The following PSMF1 variants were observed in gnomAD, a reference collection of about 807,000 sequenced individuals.
PSMF1 encodes proteasome inhibitor PI31 subunit.
In PSMF1, 30 loss-of-function variants were observed where a neutral mutation model predicts 29.3. The ratio of observed to expected loss-of-function variants is 1.02; its 90% CI spans 0.77 to 1.39. The LOEUF (loss-of-function observed/expected upper bound fraction) is 1.39. Ranked by LOEUF, PSMF1 falls within the 40% of genes most tolerant of loss-of-function variation. The pLI is 0.00. For synonymous variants in PSMF1, 134 were observed against 139.7 expected (o/e 0.96, Z 0.29); for missense variants, 344 against 357.5 (o/e 0.96, Z 0.31).
intron 4 of PSMF1, among the ~76,000 whole-genome samples, chr20:1,139,130 G>A (rs1234408336): frequency 6.6e-6 from 1 of 151,668 alleles, no homozygotes; most frequent in Non-Finnish European, 1.5e-5. Flanking sequence ...CCGAGATCAC[G>A]CCACTGCACT....
At chr20:1,158,434 G>A (rs1442862112) in intron 4 of PSMF1, among the ~76,000 whole-genome samples, 11 of 152,244 alleles carry the variant, frequency 7.2e-5, no homozygotes, top group East Asian at 3.9e-4. Flanking sequence ...GCAGACCCCT[G>A]CCAACCAGCT....
At chr20:1,132,969 G>GTTTTTTTTTTTTTTT (rs60189289) in intron 3 of PSMF1, among the ~76,000 whole-genome samples, 1 of 134,112 alleles carries the variant, frequency 7.5e-6, no homozygotes, top group African/African-American at 2.8e-5. Context: ...GGGTTTTTTT[G>GTTTTTTTTTTTTTTT]TTTTTTTTTT....
Position 1,118,762 on chromosome 20 carries a change from T to C in PSMF1, c.-12T>C, listed in dbSNP as rs1266213599. On this transcript the variant is annotated 5_prime_UTR_variant, in exon 1 of 7. Coordinates refer to ENST00000335877, the MANE Select transcript of PSMF1 (RefSeq NM_006814.5). ...CCCTTCTTTCCTCCAGACGCCGAAG[T>C]CGCGGGCGCTCATGGCGGGCCTGGA... 6.2e-7 allele frequency: 1 copy of C among 1,608,812 alleles called. No individual in the cohort carries two copies. Among genetic ancestry groups the C allele is most frequent in the East Asian group, 2.2e-5 (1 of 44,818 alleles).
chr20:1,123,945 A>T (rs1289906869), intron 1 of PSMF1, among the ~76,000 whole-genome samples: 1 of 152,260 alleles, frequency 6.6e-6, no homozygotes, highest in Non-Finnish European at 1.5e-5. Flanking sequence ...GTAAAATTGA[A>T]TAACTCTTTA....
intron 4 of PSMF1, among the ~76,000 whole-genome samples, chr20:1,149,058 A>G (rs139753698): frequency 6.6e-6 from 1 of 152,336 alleles, no homozygotes; most frequent in African/African-American, 2.4e-5. Flanking sequence ...ACATTTTGCA[A>G]ATCTCTTTAA....
upstream of PSMF1, among the ~76,000 whole-genome samples, chr20:1,114,120 T>C (rs2085993938): frequency 6.6e-6 from 1 of 152,310 alleles, no homozygotes. Flanking sequence ...TTTCTCTAAA[T>C]TATGCAACTC....
chr20:1,128,798 C>A (rs929099888), intron 3 of PSMF1, among the ~76,000 whole-genome samples: 2 of 151,962 alleles, frequency 1.3e-5, no homozygotes, highest in African/African-American at 4.8e-5. Flanking sequence ...TGTGACTGTT[C>A]AAGCAATTCT....
At chr20:1,136,616 G>T (rs1443399103) in intron 4 of PSMF1, among the ~76,000 whole-genome samples, 3 of 152,172 alleles carry the variant, frequency 2.0e-5, no homozygotes, top group Admixed American at 2.0e-4. Context: ...TAGAAAAAGA[G>T]AGTAATTGAT....
upstream of PSMF1, among the ~76,000 whole-genome samples, chr20:1,116,677 C>A (rs992282202): frequency 6.6e-6 from 1 of 152,148 alleles, no homozygotes; most frequent in African/African-American, 2.4e-5. Context: ...GGTAGACATG[C>A]TCCCTGTTCC....
chr20:1,125,733 A>G (rs1248583517), intron 2 of PSMF1, 83 bp downstream of exon 2: 39 of 1,508,968 alleles, frequency 2.6e-5, no homozygotes, highest in Non-Finnish European at 3.3e-5. Flanking sequence ...GTACGAATCC[A>G]GAGCTTCAAT....
rs372458085 is a variant in PSMF1 at position 1,163,915 on chromosome 20, A to G, written c.606-403A>G. 6.6e-6 allele frequency among the ~76,000 whole-genome samples: 1 copy of G among 152,248 alleles called. No homozygotes were observed. The highest frequency in any genetic ancestry group is 6.5e-5 in the Admixed American group (1 of 15,288). On this transcript the variant is annotated intron_variant, in intron 5 of 6. Coordinates refer to ENST00000335877, the MANE Select transcript of PSMF1 (RefSeq NM_006814.5). The surrounding 1 kb of genome is among the most constrained non-coding windows in gnomAD (Gnocchi z 6.1). Reference sequence around the variant, plus strand: ...CAACATCACGAATTACCTCAATGCTATAATTAGTCCTTAAACCTAAAGTAG... The same window carrying G: ...CAACATCACGAATTACCTCAATGCTGTAATTAGTCCTTAAACCTAAAGTAG...
intron 3 of PSMF1, among the ~76,000 whole-genome samples, chr20:1,132,224 T>C (rs971484723): frequency 3.9e-5 from 6 of 152,118 alleles, no homozygotes; most frequent in Non-Finnish European, 5.9e-5. Context: ...TAGTTGTAGC[T>C]ATTCTAGGTT....
Position 1,165,875 on chromosome 20 carries a change from A to C in PSMF1, c.*795A>C. On this transcript the variant is annotated 3_prime_UTR_variant, in exon 7 of 7. Coordinates refer to ENST00000335877, the MANE Select transcript of PSMF1 (RefSeq NM_006814.5). ...CCTGAAGGCTAATCTTATTTTTGCC[A>C]CTAACTTAGTGAATGACCCTAAGCA... The C allele has an allele frequency of 1.7e-6, 2 of 1,177,152 alleles. No individual in the cohort carries two copies. Among genetic ancestry groups the C allele is most frequent in the Non-Finnish European group, 2.1e-6 (2 of 944,756 alleles). 72.9% of individuals were successfully genotyped at this position (1,177,152 alleles called of 1,614,324 possible). A position where few individuals can be genotyped will look rare whatever the true frequency, so the allele number is the denominator to read the frequency against.
chr20:1,126,346 G>C (rs1034599484), intron 2 of PSMF1, among the ~76,000 whole-genome samples: 2 of 152,152 alleles, frequency 1.3e-5, no homozygotes, highest in Non-Finnish European at 2.9e-5. Context: ...CCTGCTGTAT[G>C]TATTATACTG....
intron 1 of PSMF1, among the ~76,000 whole-genome samples, chr20:1,123,739 T>C (rs1011930789): frequency 1.3e-5 from 2 of 152,236 alleles, no homozygotes; most frequent in Admixed American, 1.3e-4. Flanking sequence ...TATTGGCTCA[T>C]CTAATTGCAC....
intron 1 of PSMF1, among the ~76,000 whole-genome samples, chr20:1,122,676 C>T (rs1461517394): frequency 6.6e-6 from 1 of 152,178 alleles, no homozygotes; most frequent in Non-Finnish European, 1.5e-5. Context: ...CTGTGGCTTT[C>T]TGGGACTCTT....
At position 1,146,954 on chromosome 20, in the gene PSMF1, T is replaced by A. The variant is rs574275330; in HGVS notation, c.551+11648T>A. Among the ~76,000 whole-genome samples, 3 of 152,226 alleles carry A rather than the reference T, an allele frequency of 2.0e-5. No homozygotes were observed. In the South Asian group the frequency reaches 6.2e-4, roughly 32 times the overall value. Reference sequence around the variant, plus strand: ...TAGCTGGCAAAGATGAGAACAAATGTGAAGGTGTAATGAGTAGAGGGTCTC... The same window carrying A: ...TAGCTGGCAAAGATGAGAACAAATGAGAAGGTGTAATGAGTAGAGGGTCTC... On this transcript the variant is annotated intron_variant, in intron 4 of 6. Coordinates refer to ENST00000335877, the MANE Select transcript of PSMF1 (RefSeq NM_006814.5).
chr20:1,117,781 T>C (rs904295339), upstream of PSMF1: 1 of 152,262 alleles, frequency 6.6e-6, no homozygotes, highest in Admixed American at 6.5e-5. Flanking sequence ...TGAACCAGGT[T>C]AGTGACTGGG....
chr20:1,165,086 T>G lies in PSMF1; in HGVS notation c.*6T>G. On this transcript the variant is annotated 3_prime_UTR_variant, in exon 7 of 7. Transcript: ENST00000335877. ...ACGATGACATGTACCTGTGAAGGCC[T>G]CAAGAATGTAACATCCCAGGCTTCC... 6.2e-7 allele frequency: 1 copy of G among 1,614,138 alleles called. No homozygotes were observed. The highest frequency in any genetic ancestry group is 1.7e-5 in the Admixed American group (1 of 60,022).
Sources: gnomAD v4.1 joint callset for allele counts (sites outside exome capture counted in the v4.1 genomes callset) on GRCh38, gnomAD v4.1.1 for gene constraint, Gnocchi (gnomAD v3.1) non-coding constraint, MANE v1.5 for transcripts, NCBI Gene and HGNC (gene_info 2026-07-23, HGNC 2026-07-21) for gene names.